CDH11: variants seen among roughly 807,000 people sequenced by gnomAD.
CDH11 encodes the protein cadherin-11.
A neutral mutation model predicts 67.8 loss-of-function variants in CDH11; 11 were observed. The ratio of observed to expected loss-of-function variants is 0.16; its 90% CI spans 0.10 to 0.27. The LOEUF (loss-of-function observed/expected upper bound fraction) is 0.27. CDH11 is among the 10% of genes least tolerant of loss of function. CDH11 has a pLI of 1.00. For synonymous variants in CDH11, 419 were observed against 400.0 expected (o/e 1.05, Z -0.57); for missense variants, 847 against 1,031.2 (o/e 0.82, Z 2.45).
At position 65,001,386 on chromosome 16, in the gene CDH11, T is replaced by G. The variant is rs553316153; in HGVS notation, c.229-2530A>C. Among the ~76,000 whole-genome samples the G allele has an allele frequency of 4.6e-5, 7 of 152,306 alleles. No individual in the cohort carries two copies. The East Asian group carries it at 1.4e-3, about 29-fold the overall frequency. On this transcript the variant is annotated intron_variant, in intron 3 of 12. Transcript: ENST00000268603. ...CCAATCTTCATTCAGCCAAGTTTCC[T>G]TAATGAAGGCAAAATTTCTGCCCCA...
At chr16:65,037,218 G>C (rs138557512) in intron 2 of CDH11, among the ~76,000 whole-genome samples, 3 of 152,254 alleles carry the variant, frequency 2.0e-5, no homozygotes, top group Non-Finnish European at 4.4e-5. Context: ...CAGCTGTGTG[G>C]CATCAAGAAA....
Position 65,058,133 on chromosome 16 carries a change from G to A in CDH11, c.-297-4205C>T, listed in dbSNP as rs530531372. On this transcript the variant is annotated intron_variant, in intron 1 of 12. Transcript: ENST00000268603. ...AGCTACTGAGAAGCTGAGACTTGAG[G>A]ATCGTTTGAGCCTGGGGGATCGAGG... Among the ~76,000 whole-genome samples the A allele has an allele frequency of 3.9e-5, 6 of 152,234 alleles. No individual in the cohort carries two copies. The South Asian group carries it at 1.0e-3, about 26-fold the overall frequency.
intron 3 of CDH11, among the ~76,000 whole-genome samples, chr16:65,004,095 A>G (rs1454143568): frequency 6.6e-6 from 1 of 152,212 alleles, no homozygotes; most frequent in African/African-American, 2.4e-5. Flanking sequence ...AGCCTGGCGT[A>G]GTGGCTCAGG....
At chr16:65,103,546 G>A (rs1309559752) in intron 1 of CDH11, among the ~76,000 whole-genome samples, 1 of 152,014 alleles carries the variant, frequency 6.6e-6, no homozygotes, top group Non-Finnish European at 1.5e-5. Flanking sequence ...TAACTTTTTT[G>A]TCTGAAAAAT....
intron 11 of CDH11, among the ~76,000 whole-genome samples, chr16:64,952,559 T>C (rs1468444985): frequency 6.6e-6 from 1 of 152,236 alleles, no homozygotes; most frequent in Non-Finnish European, 1.5e-5. Context: ...CAGCCTCAAC[T>C]AATTTTCTAA....
intron 1 of CDH11, among the ~76,000 whole-genome samples, chr16:65,084,418 T>C (rs1422011681): frequency 6.6e-6 from 1 of 151,780 alleles, no homozygotes; most frequent in African/African-American, 2.4e-5. Context: ...ATTGAACCAT[T>C]GCACTTCAGA....
At chr16:65,019,521 A>G (rs562456283) in intron 2 of CDH11, among the ~76,000 whole-genome samples, 1 of 152,258 alleles carries the variant, frequency 6.6e-6, no homozygotes, top group Non-Finnish European at 1.5e-5. Context: ...TCACTTTTGC[A>G]TTAGTGCATC....
At chr16:65,033,311 A>T (rs891879218) in intron 2 of CDH11, among the ~76,000 whole-genome samples, 2 of 151,954 alleles carry the variant, frequency 1.3e-5, no homozygotes, top group African/African-American at 2.4e-5. Flanking sequence ...TTGCAAATGG[A>T]GTTGTGCATA....
At chr16:64,959,872 A>G (rs903131891) in intron 11 of CDH11, among the ~76,000 whole-genome samples, 1 of 152,194 alleles carries the variant, frequency 6.6e-6, no homozygotes, top group African/African-American at 2.4e-5. Context: ...AAAGAAAGGC[A>G]TTTATTTGCC....
chr16:65,062,208 A>G (rs1410078237), intron 1 of CDH11, among the ~76,000 whole-genome samples: 1 of 152,208 alleles, frequency 6.6e-6, no homozygotes, highest in Non-Finnish European at 1.5e-5. Flanking sequence ...TGCATGTAAT[A>G]AAGAAAAACA....
chr16:65,114,256 C>A (rs2075205588), intron 1 of CDH11, among the ~76,000 whole-genome samples: 1 of 152,018 alleles, frequency 6.6e-6, no homozygotes, highest in South Asian at 2.1e-4. Flanking sequence ...TCAGAAGCTC[C>A]CATTACAAGT....
At chr16:64,982,460 C>T (rs927925410) in intron 7 of CDH11, 159 bp from the exon 8 acceptor site, 1 of 624,622 alleles carries the variant, frequency 1.6e-6, no homozygotes, top group African/African-American at 1.8e-5. Flanking sequence ...CAGAAAATCA[C>T]ACAAATCAAT....
intron 2 of CDH11, among the ~76,000 whole-genome samples, chr16:65,046,803 A>T (rs2073968647): frequency 6.6e-6 from 1 of 152,068 alleles, no homozygotes; most frequent in South Asian, 2.1e-4. Flanking sequence ...AACTTAATAC[A>T]TTTTTCCTTT....
chr16:65,096,444 T>TGTAC (rs1491386442), intron 1 of CDH11, among the ~76,000 whole-genome samples: 1 of 99,936 alleles, frequency 1.0e-5, no homozygotes, highest in East Asian at 2.6e-4. Context: ...TGTGTGTGTG[T>TGTAC]ATATATATGT....
At chr16:64,994,373 T>G (rs1370790474) in intron 4 of CDH11, among the ~76,000 whole-genome samples, 1 of 152,214 alleles carries the variant, frequency 6.6e-6, no homozygotes, top group African/African-American at 2.4e-5. Context: ...GTATTTCACA[T>G]CTATTTCATT....
At chr16:65,011,408 T>A (rs1181548200) in intron 2 of CDH11, among the ~76,000 whole-genome samples, 1 of 152,136 alleles carries the variant, frequency 6.6e-6, no homozygotes, top group Non-Finnish European at 1.5e-5. Flanking sequence ...TTGTTAGATG[T>A]GACTTCCACT....
At chr16:65,072,993 C>A (rs1350714182) in intron 1 of CDH11, among the ~76,000 whole-genome samples, 1 of 152,220 alleles carries the variant, frequency 6.6e-6, no homozygotes, top group East Asian at 1.9e-4. Flanking sequence ...TGATCATTAT[C>A]ATCATCATTA....
At chr16:64,959,817 T>C (rs964713876) in intron 11 of CDH11, among the ~76,000 whole-genome samples, 1 of 152,300 alleles carries the variant, frequency 6.6e-6, no homozygotes, top group East Asian at 1.9e-4. Flanking sequence ...TGCATGCTAG[T>C]TTGTGCTGCT....
intron 4 of CDH11, among the ~76,000 whole-genome samples, chr16:64,995,328 C>A (rs1411710462): frequency 1.3e-5 from 2 of 152,086 alleles, no homozygotes; most frequent in African/African-American, 4.8e-5. Context: ...AGTCACCTTA[C>A]CCAACTTCAA....
Sources: allele counts gnomAD v4.1 joint callset (sites outside exome capture counted in the v4.1 genomes callset), GRCh38; gene constraint gnomAD v4.1.1; transcripts MANE v1.5; gene names NCBI Gene and HGNC (gene_info 2026-07-23, HGNC 2026-07-21).